The following C13orf46 variants were observed in gnomAD, a reference collection of about 807,000 sequenced individuals.
C13orf46 encodes the protein chromosome 13 open reading frame 46.
At chr13:113,973,663 C>T (rs968150654) in intron 1 of C13orf46, 145 bp downstream of exon 1, 13 of 152,316 alleles carry the variant, frequency 8.5e-5, no homozygotes, top group African/African-American at 2.9e-4. Context: ...GTTGGACCTC[C>T]TGGGGCTGTC....
intron 6 of C13orf46, among the ~76,000 whole-genome samples, chr13:113,959,588 T>C (rs2138981158): frequency 6.6e-6 from 1 of 152,240 alleles, no homozygotes; most frequent in South Asian, 2.1e-4. Flanking sequence ...TGAAAGGAGA[T>C]TTAATGCAGA....
downstream of C13orf46, among the ~76,000 whole-genome samples, chr13:113,949,626 C>T (rs1380649107): frequency 6.6e-6 from 1 of 152,234 alleles, no homozygotes; most frequent in Non-Finnish European, 1.5e-5. Context: ...GCAGGGAGAA[C>T]AAAGGCTAAG....
the C13orf46 span, among the ~76,000 whole-genome samples, chr13:113,929,814 G>T: frequency 0.037 from 5,608 of 152,296 alleles, 133 homozygotes; most frequent in South Asian, 0.058. Context: ...GAGTTCATCT[G>T]CCATACCTGT....
Position 113,960,890 on chromosome 13 carries a change from C to T in C13orf46, c.572+4037G>A, listed in dbSNP as rs1055262137. On this transcript the variant is annotated intron_variant, in intron 6 of 6. Transcript: ENST00000636427. Reference sequence around the variant, plus strand: ...CAGGTTTTTCTGTACCTTTTGGTAACTGGCTTAAAAACCAAATATTTTATA... The same window carrying T: ...CAGGTTTTTCTGTACCTTTTGGTAATTGGCTTAAAAACCAAATATTTTATA... Among the ~76,000 whole-genome samples, 7 of 152,354 alleles carry T rather than the reference C, an allele frequency of 4.6e-5. No individual in the cohort carries two copies. The East Asian group carries it at 9.6e-4, about 21-fold the overall frequency.
the C13orf46 span, among the ~76,000 whole-genome samples, chr13:113,944,590 C>T: frequency 7.0e-6 from 1 of 143,798 alleles, no homozygotes. Flanking sequence ...GTGTGACGGG[C>T]TCTGCAGGTG....
At chr13:113,927,751 C>G in the C13orf46 span, 1 of 396,822 alleles carries the variant, frequency 2.5e-6, no homozygotes, top group South Asian at 1.4e-4. Flanking sequence ...GGTGTCACCT[C>G]ACTCCTGGCA....
Position 113,968,769 on chromosome 13 carries a change from G to A in C13orf46, c.243-9C>T, listed in dbSNP as rs934785706. The A allele has an allele frequency of 1.3e-5, 2 of 152,386 alleles. No individual in the cohort carries two copies. Among genetic ancestry groups the A allele is most frequent in the African/African-American group, 2.4e-5 (1 of 41,478 alleles). The allele number at this position is 152,386 out of a possible 1,614,324, so 9.4% of individuals were successfully genotyped here. A position where few individuals can be genotyped will look rare whatever the true frequency, so the allele number is the denominator to read the frequency against. On this transcript the variant is annotated splice_polypyrimidine_tract_variant and intron_variant, in intron 2 of 6. Transcript: ENST00000636427. The stretch of plus-strand genomic sequence containing the variant: ...GTGCTAGGTTTTTCTGACTGCGGGA[G>A]GAGCAGGGAAAGTGGTTTGGAAGAG...
chr13:113,963,196 C>CGTCCTCAGCCTTGCCCCT (rs1436537752), intron 6 of C13orf46, among the ~76,000 whole-genome samples: 3 of 150,422 alleles, frequency 2.0e-5, no homozygotes, highest in East Asian at 2.0e-4. Context: ...AGCCTCAGCC[C>CGTCCTCAGCCTTGCCCCT]GTCCTCAGCC....
At chr13:113,937,707 G>T in the C13orf46 span, among the ~76,000 whole-genome samples, 1 of 152,162 alleles carries the variant, frequency 6.6e-6, no homozygotes, top group East Asian at 1.9e-4. Flanking sequence ...GGTTCGGTCC[G>T]GAAAGGCGGG....
At chr13:113,935,035 G>A in the C13orf46 span, among the ~76,000 whole-genome samples, 1 of 152,242 alleles carries the variant, frequency 6.6e-6, no homozygotes, top group East Asian at 1.9e-4. Context: ...CTGGCTCAAA[G>A]GAGCCAAGGC....
the C13orf46 span, chr13:113,928,228 G>C: frequency 6.6e-6 from 1 of 152,296 alleles, no homozygotes; most frequent in Non-Finnish European, 1.5e-5. Context: ...CATCGTGGAG[G>C]GGGGCGCATT....
the C13orf46 span, among the ~76,000 whole-genome samples, chr13:113,936,335 C>T: frequency 2.7e-4 from 41 of 152,160 alleles, no homozygotes; most frequent in African/African-American, 8.2e-4. Flanking sequence ...AGTGAGGATG[C>T]GGTATTGGCC....
chr13:113,952,789 C>A (rs1594240012), downstream of C13orf46, among the ~76,000 whole-genome samples: 3 of 152,230 alleles, frequency 2.0e-5, no homozygotes, highest in African/African-American at 7.2e-5. Context: ...GCCCTGGGCC[C>A]CTGCCTGGTC....
chr13:113,951,579 G>T (rs949918233), downstream of C13orf46, among the ~76,000 whole-genome samples: 1 of 150,968 alleles, frequency 6.6e-6, no homozygotes, highest in Non-Finnish European at 1.5e-5. Flanking sequence ...AGGCCCCAGC[G>T]CCTGCCCCAA....
At chr13:113,942,035 A>G in the C13orf46 span, among the ~76,000 whole-genome samples, 4 of 152,252 alleles carry the variant, frequency 2.6e-5, no homozygotes, top group African/African-American at 9.6e-5. Context: ...ATTAATTAAA[A>G]AGTAAGAGCT....
chr13:113,951,362 G>T (rs1458725995), downstream of C13orf46, among the ~76,000 whole-genome samples: 1 of 152,310 alleles, frequency 6.6e-6, no homozygotes, highest in African/African-American at 2.4e-5. Flanking sequence ...GGCTGGAGCC[G>T]GGCGGGGCCT....
rs963211225 is a variant in C13orf46 at position 113,960,796 on chromosome 13, C to T, written c.573-3957G>A. Among the ~76,000 whole-genome samples the T allele has an allele frequency of 1.5e-3, 230 of 152,342 alleles. 1 individual carries two copies. The East Asian group carries it at 0.032, about 21-fold the overall frequency. ...CTGAAGATGCTCTTCCTGTGTCAGG[C>T]GAGGTTCCATCGGATCTGACTTCCA... On this transcript the variant is annotated intron_variant, in intron 6 of 6. Coordinates refer to ENST00000636427, the MANE Select transcript of C13orf46 (RefSeq NM_001365455.2).
chr13:113,955,819 G>A lies in C13orf46; in HGVS notation c.*954C>T. 1 of 164,478 alleles carries A rather than the reference G, an allele frequency of 6.1e-6. No individual in the cohort carries two copies. The allele number at this position is 164,478 out of a possible 1,614,324, so 10.2% of individuals were successfully genotyped here. ...GAGGAGCAGCCGGCGGAGACGAGGA[G>A]CAGCCGGTGGAGACGAGGAGCATCT... On this transcript the variant is annotated 3_prime_UTR_variant, in exon 7 of 7. Transcript: ENST00000636427.
chr13:113,931,318 G>A, the C13orf46 span, among the ~76,000 whole-genome samples: 3 of 150,948 alleles, frequency 2.0e-5, no homozygotes, highest in South Asian at 6.2e-4. Flanking sequence ...CTTTGCGGTT[G>A]CTTCTGTGGC....
Sources: allele counts gnomAD v4.1 joint callset (sites outside exome capture counted in the v4.1 genomes callset), GRCh38; gene constraint gnomAD v4.1.1; transcripts MANE v1.5; gene names NCBI Gene and HGNC (gene_info 2026-07-23, HGNC 2026-07-21).